The following SMIM1 variants were observed in gnomAD, a reference collection of about 807,000 sequenced individuals.
The protein encoded by SMIM1 is small integral membrane protein 1.
SMIM1 carries 7 observed loss-of-function variants against 7.7 expected under a neutral mutation model. That is an observed-to-expected ratio of 0.91 (90% confidence interval 0.52 to 1.71). SMIM1 has a LOEUF of 1.71. Ranked by LOEUF, SMIM1 falls within the 40% of genes most tolerant of loss-of-function variation. The pLI, the probability that SMIM1 is intolerant of heterozygous loss-of-function variation, is 0.00. For synonymous variants in SMIM1, 41 were observed against 42.7 expected, an observed-to-expected ratio of 0.96 and a Z score of 0.16; for missense variants, 95 against 102.8, an observed-to-expected ratio of 0.92 and a Z score of 0.33.
chr1:3,775,722 G>C lies in SMIM1; in HGVS notation c.111-73G>C. The C allele has an allele frequency of 2.7e-6, 4 of 1,499,732 alleles. No individual in the cohort carries two copies. The highest frequency in any genetic ancestry group is 3.6e-6 in the Non-Finnish European group (4 of 1,125,714). The allele number at this position is 1,499,732 out of a possible 1,614,324, so 92.9% of individuals were successfully genotyped here. A position where few individuals can be genotyped will look rare whatever the true frequency, so the allele number is the denominator to read the frequency against. On this transcript the variant is annotated intron_variant, in intron 3 of 3. Transcript: ENST00000642557. This position sits in a 1 kb window ranked among gnomAD's most constrained non-coding sequence, Gnocchi z 5.3. ...GCCCCTCCCCCTGACCCAGACCAAC[G>C]GCCACAGTCCACTTAGGGGGCCCCT...
Position 3,775,831 on chromosome 1 carries a change from C to T in SMIM1, c.147C>T (p.Ile49=), listed in dbSNP as rs765223124. The T allele has an allele frequency of 5.8e-6, 9 of 1,550,786 alleles. No individual in the cohort carries two copies. The highest frequency in any genetic ancestry group is 2.7e-5 in the African/African-American group (2 of 73,062). Residue 49 remains isoleucine (I), a synonymous_variant, in exon 4 of 4, where the codon ATC becomes ATT. Transcript: ENST00000642557. The surrounding 1 kb of genome is among the most constrained non-coding windows in gnomAD (Gnocchi z 5.3). ...SQRLCTGKLG[I]AMKVLGGVAL... is the part of the protein sequence containing the mutation. ...GGCTGTGCACGGGCAAGCTGGGCAT[C>T]GCCATGAAGGTGCTGGGCGGCGTGG...
Position 3,775,531 on chromosome 1 carries a change from C to A in SMIM1, c.110+48C>A. On this transcript the variant is annotated intron_variant, in intron 3 of 3. Coordinates refer to ENST00000642557, the MANE Select transcript of SMIM1 (RefSeq NM_001288583.2). This position sits in a 1 kb window ranked among gnomAD's most constrained non-coding sequence, Gnocchi z 5.3. Reference sequence around the variant, plus strand: ...GCCAGCCATAGCAGGCTGGTGTCTCCCTCCAGAGACGCCTGCCCTAACCCC... The same window carrying A: ...GCCAGCCATAGCAGGCTGGTGTCTCACTCCAGAGACGCCTGCCCTAACCCC... 1 of 1,476,746 alleles carries A rather than the reference C, an allele frequency of 6.8e-7. No homozygotes were observed. Among genetic ancestry groups the A allele is most frequent in the Non-Finnish European group, 9.2e-7 (1 of 1,086,910 alleles). The allele number at this position is 1,476,746 out of a possible 1,614,324, so 91.5% of individuals were successfully genotyped here. A position where few individuals can be genotyped will look rare whatever the true frequency, so the allele number is the denominator to read the frequency against.
Position 3,775,223 on chromosome 1 carries a change from G to A in SMIM1, c.-75-76G>A, listed in dbSNP as rs1471384587. ...AGACCCGGTGAGGGAGTCAGCCCCC[G>A]ACCCTTAGTGCCCCTCTCCTAACAG... On this transcript the variant is annotated intron_variant, in intron 2 of 3. Transcript: ENST00000642557. This position sits in a 1 kb window ranked among gnomAD's most constrained non-coding sequence, Gnocchi z 5.3. 11 of 571,818 alleles carry A rather than the reference G, an allele frequency of 1.9e-5. No individual in the cohort carries two copies. Among genetic ancestry groups the A allele is most frequent in the East Asian group, 3.0e-5 (1 of 33,796 alleles). The allele number at this position is 571,818 out of a possible 1,614,324, so 35.4% of individuals were successfully genotyped here. A position where few individuals can be genotyped will look rare whatever the true frequency, so the allele number is the denominator to read the frequency against.
In SMIM1 at chr1:3,775,825, G is replaced by A; in HGVS notation, c.141G>A (p.Leu47=). The A allele has an allele frequency of 1.9e-6, 3 of 1,550,814 alleles. No individual in the cohort carries two copies. The highest frequency in any genetic ancestry group is 2.6e-6 in the Non-Finnish European group (3 of 1,146,896). Residue 47 remains leucine, a synonymous_variant, in exon 4 of 4, where the codon CTG becomes CTA. Coordinates refer to ENST00000642557, the MANE Select transcript of SMIM1 (RefSeq NM_001288583.2). The surrounding 1 kb of genome is among the most constrained non-coding windows in gnomAD (Gnocchi z 5.3). Reference sequence around the variant, plus strand: ...CCCAGAGGCTGTGCACGGGCAAGCTGGGCATCGCCATGAAGGTGCTGGGCG... The same window carrying A: ...CCCAGAGGCTGTGCACGGGCAAGCTAGGCATCGCCATGAAGGTGCTGGGCG... ...RISQRLCTGK[L]GIAMKVLGGV...
At chr1:3,774,257 G>C (rs1273291755) in intron 2 of SMIM1, among the ~76,000 whole-genome samples, 1 of 152,134 alleles carries the variant, frequency 6.6e-6, no homozygotes, top group Non-Finnish European at 1.5e-5. Context: ...ATGCTGAGAG[G>C]GGACACTGGG....
At chr1:3,774,698 T>C (rs1011844472) in intron 2 of SMIM1, among the ~76,000 whole-genome samples, 6 of 151,984 alleles carry the variant, frequency 3.9e-5, no homozygotes, top group African/African-American at 9.7e-5. Flanking sequence ...GCTCAGTGCA[T>C]CATGCCCCCC....
At chr1:3,774,926 G>A (rs6673829) in intron 2 of SMIM1, among the ~76,000 whole-genome samples, 33,277 of 151,764 alleles carry the variant, frequency 0.22, 4,525 homozygotes, top group Non-Finnish European at 0.32. Context: ...ATCGGGCAGG[G>A]TTAAGGAGGG....
Position 3,775,484 on chromosome 1 carries a change from G to A in SMIM1, c.110+1G>A. ...CAGAAGAGGCCTCACGCTGCCGCAG[G>A]TGAGGGGCCTGAGGGCAGCCTGCCA... is the stretch of plus-strand genomic sequence containing the variant. On this transcript the variant is annotated splice_donor_variant, in intron 3 of 3. Transcript: ENST00000642557. LOFTEE classifies it high-confidence loss of function. This position sits in a 1 kb window ranked among gnomAD's most constrained non-coding sequence, Gnocchi z 5.3. The A allele has an allele frequency of 6.5e-7, 1 of 1,549,114 alleles. No individual in the cohort carries two copies. The highest frequency in any genetic ancestry group is 8.7e-7 in the Non-Finnish European group (1 of 1,146,368).
At position 3,775,336 on chromosome 1, in the gene SMIM1, C is replaced by T; in HGVS notation, c.-38C>T. 3 of 1,503,482 alleles carry T rather than the reference C, an allele frequency of 2.0e-6. No homozygotes were observed. The highest frequency in any genetic ancestry group is 1.8e-6 in the Non-Finnish European group (2 of 1,113,630). 93.1% of individuals were successfully genotyped at this position (1,503,482 alleles called of 1,614,324 possible). A position where few individuals can be genotyped will look rare whatever the true frequency, so the allele number is the denominator to read the frequency against. On this transcript the variant is annotated 5_prime_UTR_variant, in exon 3 of 4. Coordinates refer to ENST00000642557, the MANE Select transcript of SMIM1 (RefSeq NM_001288583.2). This position sits in a 1 kb window ranked among gnomAD's most constrained non-coding sequence, Gnocchi z 5.3. ...CTGGCCACCTGTCTTGATCTCCCCA[C>T]CGAGAAGGCCCCGCCCCTCCCGCTG...
rs1406193133 is a variant in SMIM1, at chr1:3,775,743, C to T, written c.111-52C>T. 2 of 1,527,890 alleles carry T rather than the reference C, an allele frequency of 1.3e-6. No homozygotes were observed. Among genetic ancestry groups the T allele is most frequent in the African/African-American group, 2.8e-5 (2 of 72,626 alleles). The allele number at this position is 1,527,890 out of a possible 1,614,324, so 94.6% of individuals were successfully genotyped here. A position where few individuals can be genotyped will look rare whatever the true frequency, so the allele number is the denominator to read the frequency against. ...CAACGGCCACAGTCCACTTAGGGGG[C>T]CCCTCATGCGGCCCTGGCCTGGGGC... is the stretch of plus-strand genomic sequence containing the variant. On this transcript the variant is annotated intron_variant, in intron 3 of 3. Coordinates refer to ENST00000642557, the MANE Select transcript of SMIM1 (RefSeq NM_001288583.2). The surrounding 1 kb of genome is among the most constrained non-coding windows in gnomAD (Gnocchi z 5.3).
chr1:3,773,453 C>G (rs1570728763), intron 2 of SMIM1, among the ~76,000 whole-genome samples: 1 of 152,198 alleles, frequency 6.6e-6, no homozygotes, highest in South Asian at 2.1e-4. Context: ...ACAACGTGTT[C>G]TACGTCAGCA....
At position 3,775,906 on chromosome 1, in the gene SMIM1, G is replaced by A; in HGVS notation, c.222G>A (p.Val74=). The change falls in exon 4 of 4, where the codon GTG becomes GTA. Residue 74 remains valine (V), a synonymous_variant. Coordinates refer to ENST00000642557, the MANE Select transcript of SMIM1 (RefSeq NM_001288583.2). The surrounding 1 kb of genome is among the most constrained non-coding windows in gnomAD (Gnocchi z 5.3). ...FILGYLTGYY[V]HKCK The stretch of plus-strand genomic sequence containing the variant: ...TGGGCTACCTCACAGGCTACTATGT[G>A]CACAAGTGCAAATAAATGCTGCCCC... 6.5e-7 allele frequency: 1 copy of A among 1,550,024 alleles called. No individual in the cohort carries two copies. Among genetic ancestry groups the A allele is most frequent in the Admixed American group, 2.0e-5 (1 of 50,988 alleles).
At position 3,775,009 on chromosome 1, in the gene SMIM1, G is replaced by A. The variant is rs183268467; in HGVS notation, c.-75-290G>A. ...TCTCTTGAGGGTGGCAGGCTGTGCA[G>A]GCTCCCTGATAAAAGCACCGGGGAA... On this transcript the variant is annotated intron_variant, in intron 2 of 3. Transcript: ENST00000642557. The surrounding 1 kb of genome is among the most constrained non-coding windows in gnomAD (Gnocchi z 5.3). Among the ~76,000 whole-genome samples, 682 of 152,254 alleles carry A rather than the reference G, an allele frequency of 4.5e-3. 1 individual carries two copies. Among genetic ancestry groups the A allele is most frequent in the African/African-American group, 0.016 (655 of 41,546 alleles).
Position 3,775,811 on chromosome 1 carries a change from T to G in SMIM1, c.127T>G (p.Cys43Gly), listed in dbSNP as rs1304275909. Residue 43 changes from cysteine to glycine, a missense_variant, in exon 4 of 4, where the codon TGC becomes GGC. Cys to Gly is a radical substitution (Grantham distance 159, BLOSUM62 -3). Coordinates refer to ENST00000642557, the MANE Select transcript of SMIM1 (RefSeq NM_001288583.2). The surrounding 1 kb of genome is among the most constrained non-coding windows in gnomAD (Gnocchi z 5.3). ...TCACCCCAGGATCTCCCAGAGGCTG[T>G]GCACGGGCAAGCTGGGCATCGCCAT... ...SRCRRISQRL[C>G]TGKLGIAMKV... 3 of 1,550,464 alleles carry G rather than the reference T, an allele frequency of 1.9e-6. No individual in the cohort carries two copies. Among genetic ancestry groups the G allele is most frequent in the Non-Finnish European group, 2.6e-6 (3 of 1,146,912 alleles).
In SMIM1 at chr1:3,775,739, G is replaced by A. The variant is rs1643448446; in HGVS notation, c.111-56G>A. The A allele has an allele frequency of 2.0e-5, 31 of 1,526,374 alleles. No individual in the cohort carries two copies. Among genetic ancestry groups the A allele is most frequent in the Non-Finnish European group, 2.7e-5 (31 of 1,137,434 alleles). The allele number at this position is 1,526,374 out of a possible 1,614,324, so 94.6% of individuals were successfully genotyped here. ...AGACCAACGGCCACAGTCCACTTAG[G>A]GGGCCCCTCATGCGGCCCTGGCCTG... On this transcript the variant is annotated intron_variant, in intron 3 of 3. Coordinates refer to ENST00000642557, the MANE Select transcript of SMIM1 (RefSeq NM_001288583.2). This position sits in a 1 kb window ranked among gnomAD's most constrained non-coding sequence, Gnocchi z 5.3.
intron 2 of SMIM1, among the ~76,000 whole-genome samples, chr1:3,774,970 C>A (rs1035623233): frequency 4.7e-5 from 7 of 150,068 alleles, no homozygotes; most frequent in Non-Finnish European, 1.0e-4. Flanking sequence ...CTAGATTGGG[C>A]CACAATGTCC....
chr1:3,774,037 TG>T (rs758529623), intron 2 of SMIM1, among the ~76,000 whole-genome samples: 13 of 152,268 alleles, frequency 8.5e-5, no homozygotes, highest in South Asian at 6.2e-4. Context: ...AAGGCAGACA[TG>T]GAAGTGCCGG....
rs1038218743 is a variant in SMIM1, at chr1:3,775,880, C to T, written c.196C>T (p.Leu66=). The T allele has an allele frequency of 1.8e-5, 28 of 1,550,802 alleles. No individual in the cohort carries two copies. The highest frequency in any genetic ancestry group is 2.4e-5 in the Non-Finnish European group (27 of 1,146,938). ...GVALFWIIFI[L]GYLTGYYVHK... ...GGCCCTCTTCTGGATCATCTTCATC[C>T]TGGGCTACCTCACAGGCTACTATGT... The change falls in exon 4 of 4, where the codon CTG becomes TTG. Residue 66 remains leucine, a synonymous_variant. Coordinates refer to ENST00000642557, the MANE Select transcript of SMIM1 (RefSeq NM_001288583.2). This position sits in a 1 kb window ranked among gnomAD's most constrained non-coding sequence, Gnocchi z 5.3.
Position 3,775,337 on chromosome 1 carries a change from C to T in SMIM1, c.-37C>T, listed in dbSNP as rs368765485. On this transcript the variant is annotated 5_prime_UTR_variant, in exon 3 of 4. Transcript: ENST00000642557. The surrounding 1 kb of genome is among the most constrained non-coding windows in gnomAD (Gnocchi z 5.3). ...TGGCCACCTGTCTTGATCTCCCCACCGAGAAGGCCCCGCCCCTCCCGCTGC... is the reference window on the plus strand; with the variant it reads ...TGGCCACCTGTCTTGATCTCCCCACTGAGAAGGCCCCGCCCCTCCCGCTGC... 142 of 1,506,734 alleles carry T rather than the reference C, an allele frequency of 9.4e-5. No individual in the cohort carries two copies. Among genetic ancestry groups the T allele is most frequent in the African/African-American group, 3.8e-4 (27 of 71,390 alleles). The allele number at this position is 1,506,734 out of a possible 1,614,324, so 93.3% of individuals were successfully genotyped here. A position where few individuals can be genotyped will look rare whatever the true frequency, so the allele number is the denominator to read the frequency against.
Sources: gnomAD v4.1 joint callset for allele counts (sites outside exome capture counted in the v4.1 genomes callset) on GRCh38, gnomAD v4.1.1 for gene constraint, Gnocchi (gnomAD v3.1) non-coding constraint, MANE v1.5 for transcripts, NCBI Gene and HGNC (gene_info 2026-07-23, HGNC 2026-07-21) for gene names.